Variants in TMEM244 observed in about 807,000 individuals in gnomAD.
TMEM244 encodes the protein transmembrane protein 244.
TMEM244 carries 13 observed loss-of-function variants against 15.8 expected under a neutral mutation model. That is an observed-to-expected ratio of 0.82 (90% CI 0.53 to 1.30). TMEM244 has a LOEUF of 1.30. TMEM244 is among the 50% of genes most tolerant of loss of function. TMEM244 has a pLI of 0.00. For synonymous variants in TMEM244, 45 were observed against 48.7 expected, an observed-to-expected ratio of 0.92 and a Z score of 0.32; for missense variants, 161 against 144.9, an observed-to-expected ratio of 1.11 and a Z score of -0.57.
At chr6:129,848,690 C>T (rs67054032) in intron 1 of TMEM244, among the ~76,000 whole-genome samples, 11,884 of 152,196 alleles carry the variant, frequency 0.078, 883 homozygotes, top group African/African-American at 0.19. Flanking sequence ...TGAGAATTTG[C>T]TGCTGGGAGA....
At chr6:129,848,218 T>C (rs1397663482) in intron 1 of TMEM244, among the ~76,000 whole-genome samples, 1 of 152,194 alleles carries the variant, frequency 6.6e-6, no homozygotes, top group Non-Finnish European at 1.5e-5. Flanking sequence ...TGACACAACA[T>C]GATTTTTAAA....
At chr6:129,853,408 T>C (rs980313342) in intron 1 of TMEM244, among the ~76,000 whole-genome samples, 6 of 152,166 alleles carry the variant, frequency 3.9e-5, no homozygotes, top group African/African-American at 1.2e-4. Flanking sequence ...TTTCTCCGTA[T>C]AATATTCAAA....
rs900344039 is a variant in TMEM244 at position 129,843,738 on chromosome 6, T to A, written c.120-135A>T. 2.3e-5 allele frequency: 13 copies of A among 564,986 alleles called. 1 individual carries two copies. In the Middle Eastern group the frequency reaches 9.0e-4, roughly 39 times the overall value. 35.0% of individuals were successfully genotyped at this position (564,986 alleles called of 1,614,324 possible). A position where few individuals can be genotyped will look rare whatever the true frequency, so the allele number is the denominator to read the frequency against. ...CCCACATTGTGGCACATTTCAAAAC[T>A]GGCTGGAATGTGAAGGAATCAGCAA... On this transcript the variant is annotated intron_variant, in intron 2 of 4. Coordinates refer to ENST00000368143, the MANE Select transcript of TMEM244 (RefSeq NM_001010876.2).
At chr6:129,839,321 CA>C (rs541656902) in intron 3 of TMEM244, among the ~76,000 whole-genome samples, 1 of 152,166 alleles carries the variant, frequency 6.6e-6, no homozygotes, top group African/African-American at 2.4e-5. Flanking sequence ...GAACCAATGA[CA>C]AAAACCACAT....
chr6:129,857,341 C>CACACAT (rs1554208348), intron 1 of TMEM244, among the ~76,000 whole-genome samples: 22 of 150,272 alleles, frequency 1.5e-4, no homozygotes, highest in South Asian at 1.3e-3. Flanking sequence ...CACACACACA[C>CACACAT]ATATATATAT....
At chr6:129,858,047 T>C (rs547510384) in intron 1 of TMEM244, among the ~76,000 whole-genome samples, 11 of 152,182 alleles carry the variant, frequency 7.2e-5, no homozygotes, top group African/African-American at 2.6e-4. Flanking sequence ...TTACCTAATA[T>C]TGAACCATCC....
At chr6:129,850,532 A>T (rs1371438549) in intron 1 of TMEM244, among the ~76,000 whole-genome samples, 2 of 152,202 alleles carry the variant, frequency 1.3e-5, no homozygotes, top group African/African-American at 2.4e-5. Context: ...AACTAGATGG[A>T]CAATAAGAGG....
At chr6:129,848,805 C>T (rs1776597915) in intron 1 of TMEM244, among the ~76,000 whole-genome samples, 1 of 152,052 alleles carries the variant, frequency 6.6e-6, no homozygotes, top group African/African-American at 2.4e-5. Context: ...GTATTGAAAT[C>T]AATTAGTTTT....
intron 3 of TMEM244, among the ~76,000 whole-genome samples, chr6:129,839,694 CA>C (rs1776461234): frequency 6.6e-6 from 1 of 152,014 alleles, no homozygotes; most frequent in Non-Finnish European, 1.5e-5. Flanking sequence ...TGTCTCAGCC[CA>C]AAGTCTCCTT....
intron 3 of TMEM244, among the ~76,000 whole-genome samples, chr6:129,834,123 A>G (rs1776367763): frequency 1.3e-5 from 2 of 152,250 alleles, no homozygotes; most frequent in Non-Finnish European, 2.9e-5. Context: ...TGGATGAAAG[A>G]AAGTCTCATA....
At chr6:129,832,830 T>C (rs893069137) in intron 4 of TMEM244, among the ~76,000 whole-genome samples, 3 of 152,188 alleles carry the variant, frequency 2.0e-5, no homozygotes, top group Non-Finnish European at 2.9e-5. Context: ...TAAAAACCAC[T>C]TAATCTAAGA....
At chr6:129,856,252 C>T (rs1315341339) in intron 1 of TMEM244, among the ~76,000 whole-genome samples, 1 of 152,068 alleles carries the variant, frequency 6.6e-6, no homozygotes, top group Non-Finnish European at 1.5e-5. Context: ...TACTTCCTTG[C>T]TTTATGACAT....
At chr6:129,849,183 A>G (rs1776603011) in intron 1 of TMEM244, among the ~76,000 whole-genome samples, 5 of 152,190 alleles carry the variant, frequency 3.3e-5, no homozygotes, top group Admixed American at 3.3e-4. Context: ...AATTTATATA[A>G]CACTAAATAT....
intron 3 of TMEM244, among the ~76,000 whole-genome samples, chr6:129,840,349 A>T (rs1776471776): frequency 6.6e-6 from 1 of 152,218 alleles, no homozygotes; most frequent in African/African-American, 2.4e-5. Flanking sequence ...CTATTTAATA[A>T]ATGGTGCTGG....
Position 129,861,064 on chromosome 6 carries a change from C to G in TMEM244, c.33+92G>C, listed in dbSNP as rs564551407. 1.8e-5 allele frequency: 25 copies of G among 1,392,276 alleles called. No individual in the cohort carries two copies. In the East Asian group the frequency reaches 4.6e-4, roughly 26 times the overall value. 86.2% of individuals were successfully genotyped at this position (1,392,276 alleles called of 1,614,324 possible). ...CCAGCCAAAAGTGAAACAAGTTGCC[C>G]ACTGACAGAGAGGCCATTTATAGAA... On this transcript the variant is annotated intron_variant, in intron 1 of 4. Coordinates refer to ENST00000368143, the MANE Select transcript of TMEM244 (RefSeq NM_001010876.2).
chr6:129,842,643 G>A (rs1776508406), intron 3 of TMEM244, among the ~76,000 whole-genome samples: 1 of 151,830 alleles, frequency 6.6e-6, no homozygotes, highest in South Asian at 2.1e-4. Flanking sequence ...AACAAGAATA[G>A]GGAAAAACTT....
At chr6:129,844,082 AAATGT>A (rs1347719016) in intron 2 of TMEM244, among the ~76,000 whole-genome samples, 1 of 87,636 alleles carries the variant, frequency 1.1e-5, no homozygotes, top group Non-Finnish European at 2.8e-5. Context: ...TATATTTTTG[AAATGT>A]AATGTTGAAA....
intron 1 of TMEM244, among the ~76,000 whole-genome samples, chr6:129,859,575 G>A (rs1001737219): frequency 1.3e-5 from 2 of 152,214 alleles, no homozygotes; most frequent in Non-Finnish European, 2.9e-5. Flanking sequence ...AACATAGTTA[G>A]GAAACATGCC....
intron 1 of TMEM244, among the ~76,000 whole-genome samples, chr6:129,848,158 G>A (rs912703293): frequency 6.6e-6 from 1 of 152,004 alleles, no homozygotes; most frequent in African/African-American, 2.4e-5. Flanking sequence ...TCCTGTCCAT[G>A]CTCCTCATTC....
Sources: gnomAD v4.1 joint callset for allele counts (sites outside exome capture counted in the v4.1 genomes callset) on GRCh38, gnomAD v4.1.1 for gene constraint, MANE v1.5 for transcripts, NCBI Gene and HGNC (gene_info 2026-07-23, HGNC 2026-07-21) for gene names.